PLCZ1: variants seen among roughly 807,000 people sequenced by gnomAD.
PLCZ1 encodes 1-phosphatidylinositol 4,5-bisphosphate phosphodiesterase zeta-1.
Under a neutral mutation model 76.8 loss-of-function variants are expected in PLCZ1, and 64 were observed. The observed-to-expected ratio is 0.83, with a 90% CI of 0.68 to 1.03. The LOEUF (loss-of-function observed/expected upper bound fraction) is 1.03, where lower values mean the gene tolerates loss of function less well. Among genes scored for constraint, PLCZ1 ranks in the 50% least tolerant of loss-of-function variants. The pLI, the probability that PLCZ1 is intolerant of heterozygous loss-of-function variation, is 0.00. For missense variants in PLCZ1, 751 were observed against 713.7 expected (o/e 1.05, Z -0.60); for synonymous variants, 248 against 230.8 (o/e 1.07, Z -0.68).
chr12:18,650,427 G>T, the PLCZ1 span, among the ~76,000 whole-genome samples: 1 of 141,902 alleles, frequency 7.0e-6, no homozygotes, highest in African/African-American at 2.6e-5. Flanking sequence ...AATTACATAG[G>T]AATTTTTTTA....
At chr12:18,704,772 A>AT (rs1269826613) in intron 7 of PLCZ1, among the ~76,000 whole-genome samples, 1 of 152,122 alleles carries the variant, frequency 6.6e-6, no homozygotes, top group Non-Finnish European at 1.5e-5. Flanking sequence ...AAAAGAGTAG[A>AT]TTTTTTAAAG....
chr12:18,694,767 A>G, intron 12 of PLCZ1, 143 bp downstream of exon 12: 1 of 636,102 alleles, frequency 1.6e-6, no homozygotes, highest in East Asian at 2.9e-5. Context: ...AGGATGCTGG[A>G]ATACTACCCA....
chr12:18,705,777 A>C (rs1357668936), intron 6 of PLCZ1, among the ~76,000 whole-genome samples: 1 of 151,978 alleles, frequency 6.6e-6, no homozygotes, highest in Non-Finnish European at 1.5e-5. Flanking sequence ...AAGGCAGGAG[A>C]ATCACTTGAA....
chr12:18,649,517 C>T, the PLCZ1 span, among the ~76,000 whole-genome samples: 9 of 152,074 alleles, frequency 5.9e-5, no homozygotes, highest in Non-Finnish European at 1.2e-4. Context: ...AAAACTTTCT[C>T]GTTACCCCAC....
chr12:18,686,416 C>T (rs1953162331), intron 13 of PLCZ1, among the ~76,000 whole-genome samples: 1 of 152,038 alleles, frequency 6.6e-6, no homozygotes, highest in African/African-American at 2.4e-5. Flanking sequence ...TTATCTCTCA[C>T]TAATCTTTCT....
the PLCZ1 span, among the ~76,000 whole-genome samples, chr12:18,666,829 G>A: frequency 1.3e-5 from 2 of 152,140 alleles, no homozygotes; most frequent in African/African-American, 4.8e-5. Flanking sequence ...AGTCTAAACT[G>A]GTTATGTGGT....
chr12:18,652,046 G>T, the PLCZ1 span, among the ~76,000 whole-genome samples: 46 of 152,214 alleles, frequency 3.0e-4, no homozygotes, highest in Non-Finnish European at 5.9e-4. Flanking sequence ...TTAGTTTTAC[G>T]TATAACTTTT....
chr12:18,701,697 T>G lies in PLCZ1; in HGVS notation c.944A>C (p.Lys315Thr). The G allele has an allele frequency of 6.2e-7, 1 of 1,611,278 alleles. No homozygotes were observed. ...KETHERKGSDKRGDNQDKETG... is the reference protein window; with the variant it reads ...KETHERKGSDTRGDNQDKETG... ...TTCCCATTCCTCCACCTTACCACGC[T>G]TATCAGAACCTTTTCTTTCATGGGT... The change falls in exon 8 of 15, where the codon AAG (lysine) becomes ACG (threonine). Residue 315 changes from lysine (K) to threonine (T), a missense_variant. By Grantham distance (78) the Lys-to-Thr change is moderately conservative. Coordinates refer to ENST00000266505, the MANE Select transcript of PLCZ1 (RefSeq NM_033123.4).
Position 18,699,901 on chromosome 12 carries a change from G to A in PLCZ1, c.1067C>T (p.Thr356Met), listed in dbSNP as rs146251347. 1.3e-4 allele frequency: 211 copies of A among 1,612,104 alleles called. No individual in the cohort carries two copies. Among genetic ancestry groups the A allele is most frequent in the African/African-American group, 7.2e-4 (54 of 74,894 alleles). ...ALALSDLVIYTKAEKFKSFQH... is the reference protein window; with the variant it reads ...ALALSDLVIYMKAEKFKSFQH... ...AAAGCTTTTGAATTTCTCAGCTTTC[G>A]TATAAATGACAAGATCAGATAAGGC... The change falls in exon 10 of 15, where the codon ACG becomes ATG. Residue 356 changes from threonine (T) to methionine (M), a missense_variant. Coordinates refer to ENST00000266505, the MANE Select transcript of PLCZ1 (RefSeq NM_033123.4).
chr12:18,705,307 G>C lies in PLCZ1; in HGVS notation c.723C>G (p.Asp241Glu). 3 of 1,613,954 alleles carry C rather than the reference G, an allele frequency of 1.9e-6. No homozygotes were observed. The highest frequency in any genetic ancestry group is 2.2e-5 in the South Asian group (2 of 91,080). ...TTTCTAAAGAGAGCACCACTGGGTAGTCAGATGTCTAAAAAAGTAACCATT... is the reference window on the plus strand; with the variant it reads ...TTTCTAAAGAGAGCACCACTGGGTACTCAGATGTCTAAAAAAGTAACCATT... ...AIHKYAFMTSDYPVVLSLENH... is the reference protein window; with the variant it reads ...AIHKYAFMTSEYPVVLSLENH... The change falls in exon 7 of 15, where the codon GAC becomes GAG. Residue 241 changes from aspartate to glutamate, a missense_variant. By Grantham distance (45) the Asp-to-Glu change is conservative. Transcript: ENST00000266505.
At chr12:18,679,859 T>G (rs1952254146), downstream of PLCZ1, among the ~76,000 whole-genome samples, 1 of 151,942 alleles carries the variant, frequency 6.6e-6, no homozygotes. Flanking sequence ...CCAGGTGTGC[T>G]GAGCTGTTGT....
At chr12:18,721,325 G>A (rs1958424437) in intron 4 of PLCZ1, among the ~76,000 whole-genome samples, 1 of 151,978 alleles carries the variant, frequency 6.6e-6, no homozygotes, top group African/African-American at 2.4e-5. Flanking sequence ...GCAGCATTTG[G>A]AACTATAAGA....
intron 5 of PLCZ1, among the ~76,000 whole-genome samples, chr12:18,714,463 T>C (rs573473879): frequency 6.6e-6 from 1 of 152,212 alleles, no homozygotes; most frequent in South Asian, 2.1e-4. Flanking sequence ...ACTGTAGAGA[T>C]GTAAGAAGAG....
the PLCZ1 span, among the ~76,000 whole-genome samples, chr12:18,662,643 G>T: frequency 6.6e-6 from 1 of 152,072 alleles, no homozygotes; most frequent in Non-Finnish European, 1.5e-5. Context: ...TGCATTAAAA[G>T]TAATTATTGG....
intron 3 of PLCZ1, among the ~76,000 whole-genome samples, chr12:18,725,133 A>G (rs917978933): frequency 2.0e-5 from 3 of 152,198 alleles, no homozygotes; most frequent in Non-Finnish European, 4.4e-5. Flanking sequence ...ATCAAATTAC[A>G]GAAAAATGAA....
At chr12:18,679,081 G>C (rs1952191802), downstream of PLCZ1, among the ~76,000 whole-genome samples, 1 of 152,016 alleles carries the variant, frequency 6.6e-6, no homozygotes, top group East Asian at 1.9e-4. Context: ...ATGATGAATG[G>C]CATTGAGCTT....
At chr12:18,691,507 A>C (rs1228763335) in intron 12 of PLCZ1, among the ~76,000 whole-genome samples, 4 of 152,156 alleles carry the variant, frequency 2.6e-5, no homozygotes, top group Non-Finnish European at 5.9e-5. Context: ...GTTAACATAA[A>C]TATCTTAAGG....
At chr12:18,683,065 A>G (rs753510502), downstream of PLCZ1, 1 of 647,652 alleles carries the variant, frequency 1.5e-6, no homozygotes, top group African/African-American at 1.8e-5. Flanking sequence ...TGAAGTTTCT[A>G]TTTTCTTTTC....
intron 5 of PLCZ1, 104 bp from the exon 6 acceptor site, chr12:18,713,090 T>C: frequency 7.0e-7 from 1 of 1,421,278 alleles, no homozygotes; most frequent in East Asian, 2.5e-5. Flanking sequence ...AATAAATGCA[T>C]AAATGAGTCC....
Sources: gnomAD v4.1 joint callset for allele counts (sites outside exome capture counted in the v4.1 genomes callset) on GRCh38, gnomAD v4.1.1 for gene constraint, MANE v1.5 for transcripts, NCBI Gene and HGNC (gene_info 2026-07-23, HGNC 2026-07-21) for gene names.